The following TMOD3 variants were observed in gnomAD, a reference collection of about 807,000 sequenced individuals.
TMOD3 encodes tropomodulin-3.
TMOD3 carries 20 observed loss-of-function variants against 39.2 expected under a neutral mutation model. The ratio of observed to expected loss-of-function variants is 0.51; its 90% CI spans 0.36 to 0.74. TMOD3 has a LOEUF of 0.74. Ranked by LOEUF, TMOD3 falls within the 30% of genes least tolerant of loss-of-function variation. The pLI is 0.00. For synonymous variants in TMOD3, 143 were observed against 145.8 expected, an observed-to-expected ratio of 0.98 and a Z score of 0.14; for missense variants, 381 against 412.8, an observed-to-expected ratio of 0.92 and a Z score of 0.67.
rs980793575 is a variant in TMOD3 at position 51,893,838 on chromosome 15, C to T, written c.520C>T (p.Leu174Phe). The T allele has an allele frequency of 1.2e-6, 2 of 1,605,692 alleles. No homozygotes were observed. Among genetic ancestry groups the T allele is most frequent in the Non-Finnish European group, 1.7e-6 (2 of 1,174,896 alleles). Residue 174 changes from leucine to phenylalanine, a missense_variant, in exon 6 of 10, where the codon CTT (leucine) becomes TTT (phenylalanine). Transcript: ENST00000308580. Reference sequence around the variant, plus strand: ...AGATGTGGTCAAAGGTGAAAAGATTCTTCCGGTATTTGATGAGCCACCAAA... The same window carrying T: ...AGATGTGGTCAAAGGTGAAAAGATTTTTCCGGTATTTGATGAGCCACCAAA... ...FSNVVKGEKILPVFDEPPNPT... is the reference protein window; with the variant it reads ...FSNVVKGEKIFPVFDEPPNPT...
chr15:51,887,299 C>G (rs1253147174), intron 3 of TMOD3, among the ~76,000 whole-genome samples: 4 of 142,556 alleles, frequency 2.8e-5, no homozygotes, highest in Admixed American at 1.4e-4. Context: ...TTGTTTATTC[C>G]TTCATTTATT....
At chr15:51,906,679 T>C (rs1385034620) in intron 9 of TMOD3, among the ~76,000 whole-genome samples, 1 of 152,192 alleles carries the variant, frequency 6.6e-6, no homozygotes, top group East Asian at 1.9e-4. Flanking sequence ...GCCAGTAACA[T>C]CCAAACCCTG....
At chr15:51,880,785 AT>A (rs1468332046) in intron 3 of TMOD3, among the ~76,000 whole-genome samples, 1 of 152,148 alleles carries the variant, frequency 6.6e-6, no homozygotes, top group African/African-American at 2.4e-5. Flanking sequence ...TGCTATGAAC[AT>A]TTTTATACAA....
intron 3 of TMOD3, among the ~76,000 whole-genome samples, chr15:51,872,600 G>GTTTTTTTTT (rs58973705): frequency 3.1e-5 from 4 of 129,870 alleles, no homozygotes; most frequent in Admixed American, 8.1e-5. Context: ...GACCAAATTT[G>GTTTTTTTTT]TTTTTTTTTT....
chr15:51,892,595 C>G (rs1238825128), intron 5 of TMOD3: 1 of 152,300 alleles, frequency 6.6e-6, no homozygotes, highest in East Asian at 1.9e-4. Context: ...TATTCCTACC[C>G]TCTTTCCTAT....
intron 1 of TMOD3, among the ~76,000 whole-genome samples, chr15:51,838,225 A>G (rs2056296209): frequency 6.6e-6 from 1 of 152,116 alleles, no homozygotes; most frequent in African/African-American, 2.4e-5. Context: ...CTCTCTGTGT[A>G]GCTAATTCTG....
At chr15:51,875,924 A>G (rs76675785) in intron 3 of TMOD3, among the ~76,000 whole-genome samples, 2,702 of 151,922 alleles carry the variant, frequency 0.018, 81 homozygotes, top group East Asian at 0.075. Flanking sequence ...GGCCTAAAGT[A>G]CTGCTTTTAG....
intron 1 of TMOD3, among the ~76,000 whole-genome samples, chr15:51,856,091 T>C (rs944003732): frequency 2.6e-5 from 4 of 152,150 alleles, no homozygotes. Context: ...GGTGAAACAC[T>C]GTCTCTACAA....
chr15:51,885,435 C>T (rs1026545859), intron 3 of TMOD3, among the ~76,000 whole-genome samples: 9 of 152,164 alleles, frequency 5.9e-5, no homozygotes, highest in Middle Eastern at 6.8e-3. Flanking sequence ...GAGGACCCTG[C>T]GGCCTTCCGC....
intron 3 of TMOD3, 43 bp from the exon 4 acceptor site, chr15:51,887,546 G>T: frequency 6.3e-7 from 1 of 1,592,646 alleles, no homozygotes; most frequent in South Asian, 1.1e-5. Context: ...GTAATGAGTT[G>T]ATAGCAGTAG....
chr15:51,880,823 T>G (rs937344191), intron 3 of TMOD3, among the ~76,000 whole-genome samples: 5 of 151,676 alleles, frequency 3.3e-5, no homozygotes, highest in African/African-American at 1.2e-4. Context: ...ATGTTTTTAT[T>G]TCTCTTGGGT....
chr15:51,906,781 G>A (rs1448431714), intron 9 of TMOD3, among the ~76,000 whole-genome samples: 1 of 152,154 alleles, frequency 6.6e-6, no homozygotes, highest in African/African-American at 2.4e-5. Flanking sequence ...AGCACTTTGG[G>A]AGGCTGAGGC....
chr15:51,832,227 ATAT>A (rs1343740313), intron 1 of TMOD3, among the ~76,000 whole-genome samples: 7 of 137,458 alleles, frequency 5.1e-5, no homozygotes, highest in African/African-American at 1.6e-4. Context: ...ATATATATAT[ATAT>A]ATGAATGACA....
intron 9 of TMOD3, among the ~76,000 whole-genome samples, chr15:51,905,542 G>A (rs1308039934): frequency 2.0e-5 from 3 of 151,924 alleles, no homozygotes; most frequent in African/African-American, 7.3e-5. Context: ...AGAATACACT[G>A]AAATTACATG....
chr15:51,889,123 T>G lies in TMOD3; in HGVS notation c.474T>G (p.Gly158=). ...GTAATATAATGGGAAGTAGTAATGG[T>G]GTTGACCAAGAACATTTTTCAAGTG... ...KFCNIMGSSN[G]VDQEHFSNVV... The change falls in exon 5 of 10, where the codon GGT becomes GGG. Residue 158 remains glycine (G), a synonymous_variant. Transcript: ENST00000308580. 1 of 1,603,066 alleles carries G rather than the reference T, an allele frequency of 6.2e-7. No homozygotes were observed. The highest frequency in any genetic ancestry group is 8.5e-7 in the Non-Finnish European group (1 of 1,174,570).
intron 3 of TMOD3, among the ~76,000 whole-genome samples, chr15:51,887,125 G>A (rs2056568568): frequency 6.6e-6 from 1 of 151,442 alleles, no homozygotes; most frequent in Admixed American, 6.6e-5. Context: ...AGGCTGAGAG[G>A]CAGAAGAATC....
At position 51,862,852 on chromosome 15, in the gene TMOD3, G is replaced by A; in HGVS notation, c.-33G>A. On this transcript the variant is annotated 5_prime_UTR_variant, in exon 2 of 10. Transcript: ENST00000308580. Reference sequence around the variant, plus strand: ...AGATCACTTCTGACTGTACTGAACAGCAAAAATTAAGTGACTTGCTGCCCT... The same window carrying A: ...AGATCACTTCTGACTGTACTGAACAACAAAAATTAAGTGACTTGCTGCCCT... 1 of 1,600,614 alleles carries A rather than the reference G, an allele frequency of 6.2e-7. No homozygotes were observed.
At chr15:51,866,825 G>A (rs1317561928) in intron 2 of TMOD3, among the ~76,000 whole-genome samples, 2 of 152,202 alleles carry the variant, frequency 1.3e-5, no homozygotes, top group African/African-American at 4.8e-5. Context: ...AACAAATGTG[G>A]TCTTTGCCCT....
chr15:51,862,908 C>T lies in TMOD3; in HGVS notation c.24C>T (p.Asp8=), dbSNP rs746309687. Residue 8 remains aspartate (D), a synonymous_variant, in exon 2 of 10, where the codon GAC becomes GAT. Transcript: ENST00000308580. MALPFRK[D]LEKYKDLDED... Reference sequence around the variant, plus strand: ...TCATGGCACTGCCATTCCGTAAGGACTTAGAAAAGTACAAAGACCTTGATG... The same window carrying T: ...TCATGGCACTGCCATTCCGTAAGGATTTAGAAAAGTACAAAGACCTTGATG... 9 of 1,613,832 alleles carry T rather than the reference C, an allele frequency of 5.6e-6. No individual in the cohort carries two copies. Among genetic ancestry groups the T allele is most frequent in the African/African-American group, 1.3e-5 (1 of 75,014 alleles).
Sources: gnomAD v4.1 joint callset for allele counts (sites outside exome capture counted in the v4.1 genomes callset) on GRCh38, gnomAD v4.1.1 for gene constraint, MANE v1.5 for transcripts, NCBI Gene and HGNC (gene_info 2026-07-23, HGNC 2026-07-21) for gene names.